The following IQGAP2 variants were observed in gnomAD, a reference collection of about 807,000 sequenced individuals.
The protein encoded by IQGAP2 is IQ motif containing GTPase activating protein 2.
In IQGAP2, 173 loss-of-function variants were observed where a neutral mutation model predicts 201.3. The observed-to-expected ratio is 0.86, with a 90% CI of 0.76 to 0.98. The LOEUF is 0.98. Ranked by LOEUF, IQGAP2 falls within the 50% of genes least tolerant of loss-of-function variation. The pLI is 0.00. For missense variants in IQGAP2, 1,687 were observed against 1,864.8 expected (o/e 0.90, Z 1.76); for synonymous variants, 675 against 673.9 (o/e 1.00, Z -0.03).
intron 30 of IQGAP2, among the ~76,000 whole-genome samples, chr5:76,687,254 A>G (rs1286981681): frequency 1.3e-5 from 2 of 152,202 alleles, no homozygotes; most frequent in African/African-American, 2.4e-5. Flanking sequence ...CCACTTTACT[A>G]AGCAGCCCAG....
chr5:76,438,261 A>G (rs1752832201), intron 1 of IQGAP2, among the ~76,000 whole-genome samples: 1 of 151,794 alleles, frequency 6.6e-6, no homozygotes, highest in African/African-American at 2.4e-5. Flanking sequence ...ATTCAATCTC[A>G]GTTCTTGTTA....
At chr5:76,618,080 A>G (rs1749179278) in intron 13 of IQGAP2, 4 of 1,614,170 alleles carry the variant, frequency 2.5e-6, no homozygotes, top group Non-Finnish European at 3.4e-6. Context: ...TTACCAAGGC[A>G]TAGGTGTGCT....
At chr5:76,447,936 T>C (rs189992914) in intron 1 of IQGAP2, among the ~76,000 whole-genome samples, 1 of 152,296 alleles carries the variant, frequency 6.6e-6, no homozygotes, top group East Asian at 1.9e-4. Context: ...CCCCCAAATA[T>C]TCCTTTTCAC....
chr5:76,589,773 C>A (rs1031221639), intron 7 of IQGAP2, 45 bp downstream of exon 7: 3 of 1,017,052 alleles, frequency 2.9e-6, no homozygotes, highest in South Asian at 1.6e-5. Context: ...GTGAGACTTA[C>A]CTGTACTTTA....
intron 2 of IQGAP2, among the ~76,000 whole-genome samples, chr5:76,501,022 G>C (rs1344371149): frequency 6.6e-6 from 1 of 151,972 alleles, no homozygotes. Context: ...GACTTTATGG[G>C]GCTGTATGTT....
chr5:76,677,457 C>A, intron 28 of IQGAP2, 107 bp downstream of exon 28: 1 of 944,358 alleles, frequency 1.1e-6, no homozygotes, highest in Non-Finnish European at 1.5e-6. Context: ...TGTGCTAATA[C>A]TCATATTCTT....
At position 76,668,797 on chromosome 5, in the gene IQGAP2, A is replaced by C; in HGVS notation, c.2796A>C (p.Glu932Asp). The C allele has an allele frequency of 6.2e-7, 1 of 1,608,176 alleles. No individual in the cohort carries two copies. The highest frequency in any genetic ancestry group is 8.5e-7 in the Non-Finnish European group (1 of 1,177,246). Residue 932 changes from glutamate (E) to aspartate (D), a missense_variant, in exon 23 of 36, where the codon GAA (glutamate) becomes GAC (aspartate). Glu to Asp is a conservative substitution (Grantham distance 45). Coordinates refer to ENST00000274364, the MANE Select transcript of IQGAP2 (RefSeq NM_006633.5). ...ATTATGCCTCTAATCAGCGAGAAGA[A>C]TATCTACTTCTCAAGCTTTTTAAAA... ...LYNYASNQRE[E>D]YLLLKLFKTA...
At chr5:76,621,274 A>G (rs2150363406) in intron 13 of IQGAP2, among the ~76,000 whole-genome samples, 1 of 152,352 alleles carries the variant, frequency 6.6e-6, no homozygotes, top group Middle Eastern at 3.4e-3. Flanking sequence ...GGTGTAAAAT[A>G]GAGGAGGTGT....
At chr5:76,632,094 C>A in intron 15 of IQGAP2, 68 bp downstream of exon 15, 1 of 1,327,476 alleles carries the variant, frequency 7.5e-7, no homozygotes, top group Non-Finnish European at 1.0e-6. Context: ...ATTATATTTT[C>A]TTAATTTTAA....
chr5:76,472,325 C>G (rs1755159194), intron 2 of IQGAP2, among the ~76,000 whole-genome samples: 1 of 152,192 alleles, frequency 6.6e-6, no homozygotes. Flanking sequence ...AGACGTGATC[C>G]CAGCCAGCCC....
chr5:76,547,903 C>G (rs935647877), intron 2 of IQGAP2, among the ~76,000 whole-genome samples: 2 of 152,180 alleles, frequency 1.3e-5, no homozygotes, highest in Non-Finnish European at 2.9e-5. Flanking sequence ...CCACAGTAGT[C>G]TCCACCTGGA....
chr5:76,701,853 A>T (rs28609562), intron 34 of IQGAP2: 49,585 of 152,488 alleles, frequency 0.33, 8,213 homozygotes, highest in Non-Finnish European at 0.35. Context: ...TGCTTCTTCC[A>T]GAGATGGAGT....
At chr5:76,437,586 T>C (rs775537764) in intron 1 of IQGAP2, among the ~76,000 whole-genome samples, 1 of 152,122 alleles carries the variant, frequency 6.6e-6, no homozygotes, top group Non-Finnish European at 1.5e-5. Context: ...TCCATGTGGT[T>C]TCATTGTTCA....
chr5:76,460,851 T>A (rs1040697341), intron 1 of IQGAP2, among the ~76,000 whole-genome samples: 2 of 140,608 alleles, frequency 1.4e-5, no homozygotes, highest in African/African-American at 5.1e-5. Context: ...CCTGCCCGTT[T>A]GCACACTGCT....
intron 3 of IQGAP2, among the ~76,000 whole-genome samples, chr5:76,569,211 C>G (rs575288755): frequency 6.6e-6 from 1 of 152,092 alleles, no homozygotes; most frequent in Non-Finnish European, 1.5e-5. Context: ...TTTTCAGATC[C>G]GGAGAGATGT....
At chr5:76,635,880 G>A (rs1751088196) in intron 15 of IQGAP2, among the ~76,000 whole-genome samples, 1 of 151,806 alleles carries the variant, frequency 6.6e-6, no homozygotes, top group Non-Finnish European at 1.5e-5. Flanking sequence ...TAGGGGGAGG[G>A]AAAGGAAGGA....
intron 1 of IQGAP2, among the ~76,000 whole-genome samples, chr5:76,441,031 CAAA>C (rs112796247): frequency 3.8e-5 from 4 of 104,158 alleles, no homozygotes; most frequent in Non-Finnish European, 4.0e-5. Context: ...GACTCAGTCT[CAAA>C]AAAAAAAAAA....
intron 23 of IQGAP2, 103 bp from the exon 24 acceptor site, chr5:76,671,656 C>T: frequency 1.2e-6 from 1 of 811,994 alleles, no homozygotes; most frequent in East Asian, 2.7e-5. Flanking sequence ...CCACTGCACT[C>T]CAGCCTGGGT....
chr5:76,685,771 AT>A (rs1484885662), intron 30 of IQGAP2, among the ~76,000 whole-genome samples: 4 of 152,156 alleles, frequency 2.6e-5, no homozygotes, highest in African/African-American at 7.2e-5. Context: ...CAGTGGGTTT[AT>A]TTTTTATTGT....
Sources: allele counts gnomAD v4.1 joint callset (sites outside exome capture counted in the v4.1 genomes callset), GRCh38; gene constraint gnomAD v4.1.1; transcripts MANE v1.5; gene names NCBI Gene and HGNC (gene_info 2026-07-23, HGNC 2026-07-21).